The following HERC2 variants were observed in gnomAD, a reference collection of about 807,000 sequenced individuals.
HERC2 encodes E3 ubiquitin-protein ligase HERC2.
Under a neutral mutation model 537.7 loss-of-function variants are expected in HERC2, and 102 were observed. The ratio of observed to expected loss-of-function variants is 0.19; its 90% CI spans 0.16 to 0.22. The LOEUF is 0.22. Among genes scored for constraint, HERC2 ranks in the 10% least tolerant of loss-of-function variants. HERC2 has a pLI of 1.00. For missense variants in HERC2, 4,236 were observed against 6,198.2 expected (o/e 0.68, Z 10.63); for synonymous variants, 2,224 against 2,466.2 (o/e 0.90, Z 2.91).
At chr15:28,169,766 C>T in intron 65 of HERC2, 111 bp from the exon 66 acceptor site, 2 of 994,226 alleles carry the variant, frequency 2.0e-6, no homozygotes, top group Non-Finnish European at 2.9e-6. Flanking sequence ...CTGCATTTTG[C>T]TATTTCACAA....
intron 3 of HERC2, among the ~76,000 whole-genome samples, chr15:28,293,891 C>T (rs1322602561): frequency 6.6e-6 from 1 of 152,224 alleles, no homozygotes; most frequent in African/African-American, 2.4e-5. Context: ...CATAAAACTC[C>T]TTACACAGTA....
intron 2 of HERC2, among the ~76,000 whole-genome samples, chr15:28,310,782 A>G (rs2076920086): frequency 6.6e-6 from 1 of 152,150 alleles, no homozygotes; most frequent in Non-Finnish European, 1.5e-5. Context: ...AAGGTGAACT[A>G]AGAAGCTATT....
At chr15:28,215,575 A>G in intron 39 of HERC2, 46 bp downstream of exon 39, 2 of 1,510,038 alleles carry the variant, frequency 1.3e-6, no homozygotes, top group Non-Finnish European at 1.8e-6. Context: ...ACTTCAGTAC[A>G]TGGAGGCCTC....
chr15:28,265,991 A>C lies in HERC2; in HGVS notation c.1599-17T>G. The stretch of plus-strand genomic sequence containing the variant: ...TCCAAAGGCCTTGGGGAGAAAGGGA[A>C]CAAACATGAATGCCCTTCTTCTTGG... On this transcript the variant is annotated splice_polypyrimidine_tract_variant and intron_variant, in intron 12 of 92. Coordinates refer to ENST00000261609, the MANE Select transcript of HERC2 (RefSeq NM_004667.6). The surrounding 1 kb of genome is among the most constrained non-coding windows in gnomAD (Gnocchi z 4.0). 2.5e-6 allele frequency: 4 copies of C among 1,612,280 alleles called. No individual in the cohort carries two copies. Among genetic ancestry groups the C allele is most frequent in the Non-Finnish European group, 3.4e-6 (4 of 1,178,844 alleles).
chr15:28,276,829 G>C (rs1340240082), intron 5 of HERC2, among the ~76,000 whole-genome samples: 1 of 152,150 alleles, frequency 6.6e-6, no homozygotes, highest in African/African-American at 2.4e-5. Context: ...ATGTTAAGGG[G>C]ATTGTGCTGA....
intron 52 of HERC2, among the ~76,000 whole-genome samples, chr15:28,192,675 G>A (rs754164290): frequency 8.5e-5 from 13 of 152,184 alleles, no homozygotes; most frequent in Admixed American, 1.3e-4. Flanking sequence ...AGGAAGACCC[G>A]AGGCGAATGG....
rs202046283 is a variant in HERC2 at position 28,215,707 on chromosome 15, C to T, written c.6124G>A (p.Ala2042Thr). Residue 2042 changes from alanine (A) to threonine (T), a missense_variant, in exon 39 of 93, where the codon GCC becomes ACC. Ala to Thr is a moderately conservative substitution (Grantham distance 58). Coordinates refer to ENST00000261609, the MANE Select transcript of HERC2 (RefSeq NM_004667.6). Reference protein sequence around the residue: ...SIALTPQVCGALSSPQWITLL... With the variant: ...SIALTPQVCGTLSSPQWITLL... ...GTGATCCACTGCGGGGAGCTGAGGG[C>T]GCCGCATACCTGCGGCGTGAGAGCG... The T allele has an allele frequency of 8.7e-6, 14 of 1,611,830 alleles. No homozygotes were observed. Among genetic ancestry groups the T allele is most frequent in the African/African-American group, 6.7e-5 (5 of 74,862 alleles).
At position 28,320,818 on chromosome 15, in the gene HERC2, G is replaced by A. The variant is rs1943382390; in HGVS notation, c.72+544C>T. On this transcript the variant is annotated intron_variant, in intron 2 of 92. Transcript: ENST00000261609. ...TTAAATCAAAAAATTAGGATCTAAG[G>A]CCAACATTGTTTCCTCACATTCTTG... is the stretch of plus-strand genomic sequence containing the variant. Among the ~76,000 whole-genome samples the A allele has an allele frequency of 3.3e-5, 5 of 151,968 alleles. No homozygotes were observed. The South Asian group carries it at 1.0e-3, about 32-fold the overall frequency.
At chr15:28,164,265 T>C (rs1204967412) in intron 68 of HERC2, among the ~76,000 whole-genome samples, 1 of 152,124 alleles carries the variant, frequency 6.6e-6, no homozygotes, top group African/African-American at 2.4e-5. Flanking sequence ...ATAAACAGGC[T>C]GGGGGAAGGA....
At position 28,238,226 on chromosome 15, in the gene HERC2, A is replaced by G. The variant is rs1366002306; in HGVS notation, c.3749-9T>C. 1.3e-6 allele frequency: 2 copies of G among 1,493,718 alleles called. No individual in the cohort carries two copies. Among genetic ancestry groups the G allele is most frequent in the East Asian group, 4.5e-5 (2 of 44,396 alleles). The allele number at this position is 1,493,718 out of a possible 1,614,324, so 92.5% of individuals were successfully genotyped here. ...TTCCCCTGCAAACTGAGCTGAAACA[A>G]AAAGGGAAAAAGCAACATGAGTTCA... On this transcript the variant is annotated splice_polypyrimidine_tract_variant and intron_variant, in intron 24 of 92. Transcript: ENST00000261609.
At chr15:28,314,968 C>G (rs1377147775) in intron 2 of HERC2, among the ~76,000 whole-genome samples, 8 of 152,158 alleles carry the variant, frequency 5.3e-5, no homozygotes, top group Non-Finnish European at 1.2e-4. Flanking sequence ...AGGACAATAG[C>G]CAAGGTGAGT....
At chr15:28,270,615 C>G in intron 10 of HERC2, 80 bp downstream of exon 10, 1 of 1,398,456 alleles carries the variant, frequency 7.2e-7, no homozygotes, top group Non-Finnish European at 9.8e-7. Context: ...AAAAGCAAGT[C>G]TCCACACGGG....
intron 66 of HERC2, 43 bp downstream of exon 66, chr15:28,169,441 C>T (rs750195117): frequency 3.5e-6 from 5 of 1,423,566 alleles, no homozygotes; most frequent in African/African-American, 1.4e-5. Flanking sequence ...AAATGTGAAG[C>T]TCACATAATT....
At chr15:28,318,681 G>A (rs2077154795) in intron 2 of HERC2, among the ~76,000 whole-genome samples, 1 of 151,946 alleles carries the variant, frequency 6.6e-6, no homozygotes, top group Non-Finnish European at 1.5e-5. Context: ...ACATATATAT[G>A]CCTGGCATAA....
At chr15:28,300,084 A>G (rs913226731) in intron 2 of HERC2, among the ~76,000 whole-genome samples, 6 of 151,826 alleles carry the variant, frequency 4.0e-5, no homozygotes, top group African/African-American at 1.4e-4. Flanking sequence ...GAAAAGAAAA[A>G]AAAGACACAC....
At chr15:28,209,383 AC>A (rs1317785269) in intron 44 of HERC2, among the ~76,000 whole-genome samples, 2 of 152,094 alleles carry the variant, frequency 1.3e-5, no homozygotes, top group African/African-American at 4.8e-5. Context: ...TCGCTCTGTC[AC>A]CCAGGCTGGA....
rs1895326137 is a variant in HERC2 at position 28,176,741 on chromosome 15, T to C, written c.9460A>G (p.Ile3154Val). Residue 3154 changes from isoleucine (I) to valine (V), a missense_variant, in exon 62 of 93, where the codon ATC (isoleucine) becomes GTC (valine). Physicochemically the swap from Ile to Val is conservative, Grantham distance 29 (BLOSUM62 3). Transcript: ENST00000261609. The surrounding 1 kb of genome is among the most constrained non-coding windows in gnomAD (Gnocchi z 5.0). ...MVKVLLGHRV[I>V]QVACGSRDAQ... ...TCTCTACTCCCACATGCAACCTGGATTACTCTGTGACCGAGAAGGACTTTC... is the reference window on the plus strand; with the variant it reads ...TCTCTACTCCCACATGCAACCTGGACTACTCTGTGACCGAGAAGGACTTTC... The C allele has an allele frequency of 6.2e-7, 1 of 1,613,974 alleles. No individual in the cohort carries two copies. Among genetic ancestry groups the C allele is most frequent in the South Asian group, 1.1e-5 (1 of 91,076 alleles).
chr15:28,263,131 A>G lies in HERC2; in HGVS notation c.1909T>C (p.Leu637=). The G allele has an allele frequency of 1.9e-6, 3 of 1,613,626 alleles. 1 individual carries two copies. Among genetic ancestry groups the G allele is most frequent in the Non-Finnish European group, 2.5e-6 (3 of 1,179,578 alleles). The part of the protein sequence containing the change: ...WSWGDGDYGK[L]GRGGSDGCKT... ...CAGCCATCACTACCACCTCTGCCCA[A>G]TTTCCCATAGTCACCATCTCCCCAA... The change falls in exon 15 of 93, where the codon TTG becomes CTG. Residue 637 remains leucine (L), a synonymous_variant. Transcript: ENST00000261609.
At chr15:28,116,453 G>A (rs1263087055) in intron 88 of HERC2, among the ~76,000 whole-genome samples, 2 of 152,058 alleles carry the variant, frequency 1.3e-5, no homozygotes, top group Non-Finnish European at 1.5e-5. Flanking sequence ...CTGACCTCAG[G>A]CAATCTGCCT....
Sources: gnomAD v4.1 joint callset for allele counts (sites outside exome capture counted in the v4.1 genomes callset) on GRCh38, gnomAD v4.1.1 for gene constraint, Gnocchi (gnomAD v3.1) non-coding constraint, MANE v1.5 for transcripts, NCBI Gene and HGNC (gene_info 2026-07-23, HGNC 2026-07-21) for gene names.